TUBA4B: variants seen among roughly 807,000 people sequenced by gnomAD.
TUBA4B encodes the protein tubulin-like protein alpha-4B.
A neutral mutation model predicts 18.4 loss-of-function variants in TUBA4B; 13 were observed. The observed-to-expected ratio is 0.71, with a 90% CI of 0.46 to 1.12. The LOEUF is 1.12. TUBA4B is among the 50% of genes most tolerant of loss of function. The pLI is 0.00. For synonymous variants in TUBA4B, 101 were observed against 99.1 expected (o/e 1.02, Z -0.11); for missense variants, 244 against 250.0 (o/e 0.98, Z 0.16).
At position 219,268,172 on chromosome 2, in the gene TUBA4B, A is replaced by T. The variant is rs1488301833; in HGVS notation, c.58+1606A>T. On this transcript the variant is annotated intron_variant, in intron 2 of 3. Transcript: ENST00000490341. ...TGCCCTGGCTGGAGTGCAGTGATGC[A>T]ATCTCGGCTCACTGCAACCTCCACC... Among the ~76,000 whole-genome samples the T allele has an allele frequency of 3.4e-5, 5 of 146,442 alleles. No individual in the cohort carries two copies. The East Asian group carries it at 6.4e-4, about 19-fold the overall frequency.
Position 219,253,304 on chromosome 2 carries a change from G to T in TUBA4B, c.-104G>T. The T allele has an allele frequency of 6.6e-7, 1 of 1,518,336 alleles. No homozygotes were observed. Among genetic ancestry groups the T allele is most frequent in the Non-Finnish European group, 8.8e-7 (1 of 1,136,362 alleles). 94.1% of individuals were successfully genotyped at this position (1,518,336 alleles called of 1,614,324 possible). A position where few individuals can be genotyped will look rare whatever the true frequency, so the allele number is the denominator to read the frequency against. On this transcript the variant is annotated 5_prime_UTR_variant, in exon 1 of 4. Coordinates refer to ENST00000490341, the MANE Select transcript of TUBA4B (RefSeq NM_001355221.1). ...GAGGGCCAGCTCGCTTCAGGAGGCC[G>T]AACCCCGTTCCCACCAACCCTCTCA...
chr2:219,257,836 C>T (rs1298560590), intron 1 of TUBA4B, among the ~76,000 whole-genome samples: 2 of 150,832 alleles, frequency 1.3e-5, no homozygotes, highest in South Asian at 2.1e-4. Flanking sequence ...TATATATATA[C>T]ACACACTATA....
intron 1 of TUBA4B, among the ~76,000 whole-genome samples, chr2:219,260,564 C>T (rs775698683): frequency 1.1e-4 from 17 of 152,198 alleles, no homozygotes; most frequent in Non-Finnish European, 2.4e-4. Context: ...ACATCTCAAA[C>T]ATAACACAGT....
chr2:219,268,273 T>G (rs944433909), intron 2 of TUBA4B, among the ~76,000 whole-genome samples: 11 of 152,094 alleles, frequency 7.2e-5, no homozygotes, highest in African/African-American at 2.7e-4. Flanking sequence ...TTTTGTATTT[T>G]TAGTGGAGAG....
intron 1 of TUBA4B, among the ~76,000 whole-genome samples, chr2:219,258,847 A>T (rs1951740854): frequency 6.6e-6 from 1 of 152,090 alleles, no homozygotes; most frequent in Non-Finnish European, 1.5e-5. Context: ...GACACAGAAC[A>T]CAAGTGTCTG....
At chr2:219,265,682 G>A (rs1951785515) in intron 1 of TUBA4B, among the ~76,000 whole-genome samples, 5 of 152,102 alleles carry the variant, frequency 3.3e-5, no homozygotes, top group Admixed American at 2.0e-4. Context: ...AAATGCTAGA[G>A]ACTAGCCTTT....
chr2:219,271,366 C>G lies in TUBA4B; in HGVS notation c.393C>G (p.His131Gln). 6.2e-7 allele frequency: 1 copy of G among 1,614,212 alleles called. No homozygotes were observed. The highest frequency in any genetic ancestry group is 8.5e-7 in the Non-Finnish European group (1 of 1,180,036). Residue 131 changes from histidine (H) to glutamine (Q), a missense_variant, in exon 4 of 4, where the codon CAC becomes CAG. Coordinates refer to ENST00000490341, the MANE Select transcript of TUBA4B (RefSeq NM_001355221.1). ...CCTACAACTCTATCCTGACCACCCA[C>G]ACCACCCTGGAGCACTCAGACTGTG... The part of the protein sequence containing the change: ...VQPYNSILTT[H>Q]TTLEHSDCAF...
chr2:219,271,846 G>T lies in TUBA4B; in HGVS notation c.*147G>T. The stretch of plus-strand genomic sequence containing the variant: ...GGACTGGTGCCCCACAGGCTTTAAG[G>T]TTGATATCAATCACCAGCCTCCCAC... On this transcript the variant is annotated 3_prime_UTR_variant, in exon 4 of 4. Coordinates refer to ENST00000490341, the MANE Select transcript of TUBA4B (RefSeq NM_001355221.1). 1 of 1,545,572 alleles carries T rather than the reference G, an allele frequency of 6.5e-7. No homozygotes were observed. The highest frequency in any genetic ancestry group is 1.1e-5 in the South Asian group (1 of 89,664).
chr2:219,260,801 C>T (rs1179240719), intron 1 of TUBA4B, among the ~76,000 whole-genome samples: 2 of 151,902 alleles, frequency 1.3e-5, no homozygotes, highest in African/African-American at 4.8e-5. Flanking sequence ...GGTGAAACGC[C>T]GTCTCTACTA....
intron 2 of TUBA4B, among the ~76,000 whole-genome samples, chr2:219,267,511 T>C (rs1951797412): frequency 6.6e-6 from 1 of 152,108 alleles, no homozygotes; most frequent in South Asian, 2.1e-4. Context: ...AAATGACTTG[T>C]ATTGGATCAC....
intron 1 of TUBA4B, among the ~76,000 whole-genome samples, chr2:219,262,146 C>T (rs527257304): frequency 6.6e-6 from 1 of 152,248 alleles, no homozygotes; most frequent in South Asian, 2.1e-4. Context: ...CCCATCTCTA[C>T]TAAAAATACA....
At position 219,271,935 on chromosome 2, in the gene TUBA4B, G is replaced by T. The variant is rs1396200266; in HGVS notation, c.*236G>T. The T allele has an allele frequency of 2.8e-5, 41 of 1,472,848 alleles. No individual in the cohort carries two copies. Among genetic ancestry groups the T allele is most frequent in the African/African-American group, 5.6e-5 (4 of 71,934 alleles). 91.2% of individuals were successfully genotyped at this position (1,472,848 alleles called of 1,614,324 possible). On this transcript the variant is annotated 3_prime_UTR_variant, in exon 4 of 4. Transcript: ENST00000490341. ...CATGTGCATGCTGAGCAACATGACA[G>T]CCATCACTATGGCCTGGGCCCGCCT...
chr2:219,253,960 G>C (rs1461479728), intron 1 of TUBA4B: 2 of 1,095,514 alleles, frequency 1.8e-6, no homozygotes, highest in African/African-American at 3.3e-5. Flanking sequence ...CGGGGGGGGG[G>C]CGGGGCCCGC....
intron 1 of TUBA4B, among the ~76,000 whole-genome samples, chr2:219,258,574 C>A (rs1951739265): frequency 6.6e-6 from 1 of 151,954 alleles, no homozygotes; most frequent in South Asian, 2.1e-4. Flanking sequence ...AAGTGATCTG[C>A]CTGCCTCAGC....
intron 1 of TUBA4B, among the ~76,000 whole-genome samples, chr2:219,261,968 GT>G (rs1951761731): frequency 6.6e-6 from 1 of 152,130 alleles, no homozygotes; most frequent in African/African-American, 2.4e-5. Flanking sequence ...TGGAGAACTG[GT>G]TTCCAGATCT....
chr2:219,253,840 GC>G, intron 1 of TUBA4B: 1 of 1,512,734 alleles, frequency 6.6e-7, no homozygotes, highest in Non-Finnish European at 8.8e-7. Flanking sequence ...CGCGACCCCG[GC>G]CGGGCCGCAC....
At position 219,266,555 on chromosome 2, in the gene TUBA4B, C is replaced by T. The variant is rs1263989408; in HGVS notation, c.47C>T (p.Ser16Phe). The change falls in exon 2 of 4, where the codon TCC becomes TTC. Residue 16 changes from serine to phenylalanine, a missense_variant. Coordinates refer to ENST00000490341, the MANE Select transcript of TUBA4B (RefSeq NM_001355221.1). ...TERQDPSQPL[S>F]RQHGTYRQIF... ...AGACAAGACCCCAGCCAGCCCCTGT[C>T]CAGGCAGCATGGTGAGTAGAAGGGG... 1 of 703,026 alleles carries T rather than the reference C, an allele frequency of 1.4e-6. No homozygotes were observed. The highest frequency in any genetic ancestry group is 1.5e-5 in the South Asian group (1 of 67,606). 43.5% of individuals were successfully genotyped at this position (703,026 alleles called of 1,614,324 possible).
At chr2:219,269,048 A>G (rs1009475138) in intron 2 of TUBA4B, among the ~76,000 whole-genome samples, 4 of 152,218 alleles carry the variant, frequency 2.6e-5, no homozygotes, top group African/African-American at 9.7e-5. Flanking sequence ...GTAGTTAACT[A>G]TGATCACATC....
chr2:219,262,069 T>A (rs1296434670), intron 1 of TUBA4B, among the ~76,000 whole-genome samples: 1 of 152,202 alleles, frequency 6.6e-6, no homozygotes, highest in Non-Finnish European at 1.5e-5. Context: ...CCCAGCACTT[T>A]GTGAGGCCGA....
Sources: allele counts gnomAD v4.1 joint callset (sites outside exome capture counted in the v4.1 genomes callset), GRCh38; gene constraint gnomAD v4.1.1; transcripts MANE v1.5; gene names NCBI Gene and HGNC (gene_info 2026-07-23, HGNC 2026-07-21).